Variants in PCDHGA6 observed in about 807,000 individuals in gnomAD.
PCDHGA6 encodes the protein protocadherin gamma-A6.
Under a neutral mutation model 60.6 loss-of-function variants are expected in PCDHGA6, and 41 were observed. The observed-to-expected ratio is 0.68, with a 90% CI of 0.53 to 0.88. PCDHGA6 has a LOEUF of 0.88. Ranked by LOEUF, PCDHGA6 falls within the 40% of genes least tolerant of loss-of-function variation. The pLI, the probability that PCDHGA6 is intolerant of heterozygous loss-of-function variation, is 0.00. For missense variants in PCDHGA6, 1,312 were observed against 1,203.0 expected, an observed-to-expected ratio of 1.09 and a Z score of -1.34; for synonymous variants, 594 against 524.4, an observed-to-expected ratio of 1.13 and a Z score of -1.81.
intron 1 of PCDHGA6, chr5:141,390,391 T>C: frequency 7.1e-7 from 1 of 1,399,002 alleles, no homozygotes; most frequent in Non-Finnish European, 9.8e-7. Flanking sequence ...ATGTCATGGA[T>C]CATTTTAGGA....
chr5:141,489,250 A>C lies in PCDHGA6; in HGVS notation c.2425-5557A>C. 1 of 1,546,554 alleles carries C rather than the reference A, an allele frequency of 6.5e-7. No individual in the cohort carries two copies. The highest frequency in any genetic ancestry group is 8.7e-7 in the Non-Finnish European group (1 of 1,146,722). On this transcript the variant is annotated intron_variant, in intron 1 of 3. Transcript: ENST00000517434. This position sits in a 1 kb window ranked among gnomAD's most constrained non-coding sequence, Gnocchi z 4.5. The stretch of plus-strand genomic sequence containing the variant: ...AAGGGACTTCTGGGTCATGGGGCCC[A>C]AGACACTCCCACAGCTCGCTGGGAA...
intron 1 of PCDHGA6, chr5:141,384,852 G>C: frequency 6.2e-7 from 1 of 1,613,646 alleles, no homozygotes; most frequent in Non-Finnish European, 8.5e-7. Context: ...ACCACGGTCA[G>C]CCTCCTCTGT....
chr5:141,435,444 A>G (rs1471113812), intron 1 of PCDHGA6, among the ~76,000 whole-genome samples: 1 of 152,216 alleles, frequency 6.6e-6, no homozygotes, highest in East Asian at 1.9e-4. Flanking sequence ...TTTCATTAAT[A>G]CGATATCTGT....
rs70988802 is a variant in PCDHGA6 at position 141,450,006 on chromosome 5, C to CTATTTTTTTT, written c.2425-44800_2425-44799insATTTTTTTTT. ...CACATTGCATTTAGTTGCCATGTCTCTTTTTTTTTTTTTTTTTTGAGACAG... is the reference window on the plus strand; with the variant it reads ...CACATTGCATTTAGTTGCCATGTCTCTATTTTTTTTTTTTTTTTTTTTTTTTTTGAGACAG... On this transcript the variant is annotated intron_variant, in intron 1 of 3. Transcript: ENST00000517434. Among the ~76,000 whole-genome samples the CTATTTTTTTT allele has an allele frequency of 3.0e-5, 4 of 132,980 alleles. 1 individual carries two copies. The highest frequency in any genetic ancestry group is 5.6e-5 in the African/African-American group (2 of 35,572). 87.2% of individuals were successfully genotyped at this position (132,980 alleles called of 152,430 possible). A position where few individuals can be genotyped will look rare whatever the true frequency, so the allele number is the denominator to read the frequency against.
intron 1 of PCDHGA6, among the ~76,000 whole-genome samples, chr5:141,433,761 T>G (rs2154555909): frequency 6.7e-6 from 1 of 148,664 alleles, no homozygotes; most frequent in Admixed American, 6.8e-5. Context: ...TGCTTTAACC[T>G]GGGAGGTGGA....
At chr5:141,498,194 T>C (rs1014641829) in intron 2 of PCDHGA6, among the ~76,000 whole-genome samples, 16 of 152,254 alleles carry the variant, frequency 1.1e-4, no homozygotes, top group African/African-American at 3.6e-4. Context: ...ATTAACCAGC[T>C]AAAGAAAAGA....
At chr5:141,506,668 C>A (rs2099855518) in intron 3 of PCDHGA6, among the ~76,000 whole-genome samples, 1 of 152,100 alleles carries the variant, frequency 6.6e-6, no homozygotes, top group Admixed American at 6.6e-5. Context: ...AGTAAGGGCA[C>A]AATATATTAT....
intron 1 of PCDHGA6, among the ~76,000 whole-genome samples, chr5:141,433,449 T>C (rs2097611087): frequency 6.6e-6 from 1 of 152,068 alleles, no homozygotes; most frequent in Non-Finnish European, 1.5e-5. Context: ...TTGAGCAGGC[T>C]GATCTGAAAC....
Position 141,376,274 on chromosome 5 carries a change from G to A in PCDHGA6, c.2191G>A (p.Gly731Ser), listed in dbSNP as rs773118142. The A allele has an allele frequency of 1.9e-6, 3 of 1,614,220 alleles. No homozygotes were observed. Among genetic ancestry groups the A allele is most frequent in the Non-Finnish European group, 1.7e-6 (2 of 1,180,046 alleles). ...KSRLLQASGGGLASMPGSHFV... is the reference protein window; with the variant it reads ...KSRLLQASGGSLASMPGSHFV... ...ACGCCTGCTGCAGGCTTCGGGAGGT[G>A]GCTTAGCGAGCATGCCCGGCTCGCA... Residue 731 changes from glycine to serine, a missense_variant, in exon 1 of 4, where the codon GGC becomes AGC. Transcript: ENST00000517434.
At chr5:141,429,500 A>C (rs1050435175) in intron 1 of PCDHGA6, among the ~76,000 whole-genome samples, 1 of 152,148 alleles carries the variant, frequency 6.6e-6, no homozygotes, top group Non-Finnish European at 1.5e-5. Flanking sequence ...CAGTTGCCTG[A>C]AACTGTGCCT....
At position 141,477,369 on chromosome 5, in the gene PCDHGA6, A is replaced by G; in HGVS notation, c.2425-17438A>G. The G allele has an allele frequency of 6.2e-7, 1 of 1,614,164 alleles. No individual in the cohort carries two copies. Among genetic ancestry groups the G allele is most frequent in the Non-Finnish European group, 8.5e-7 (1 of 1,180,026 alleles). ...AAAACCAGTGCAGACCTGGATCGGG[A>G]GACTGTGCCAGAATACAACCTCAGC... On this transcript the variant is annotated intron_variant, in intron 1 of 3. Transcript: ENST00000517434. The surrounding 1 kb of genome is among the most constrained non-coding windows in gnomAD (Gnocchi z 4.9).
At chr5:141,387,566 T>C in intron 1 of PCDHGA6, 1 of 445,866 alleles carries the variant, frequency 2.2e-6, no homozygotes, top group Non-Finnish European at 4.0e-6. Context: ...GGCACACAAT[T>C]ATAATTATTG....
At chr5:141,413,820 C>T in intron 1 of PCDHGA6, 1 of 1,613,204 alleles carries the variant, frequency 6.2e-7, no homozygotes, top group Non-Finnish European at 8.5e-7. Flanking sequence ...ACCACCTGGT[C>T]CTCACCGCCT....
At chr5:141,394,530 A>C in intron 1 of PCDHGA6, 1 of 1,614,140 alleles carries the variant, frequency 6.2e-7, no homozygotes, top group African/African-American at 1.3e-5. Flanking sequence ...AGACGGTTCC[A>C]CTGGCGTGGA....
chr5:141,421,201 C>A, intron 1 of PCDHGA6: 3 of 1,518,204 alleles, frequency 2.0e-6, no homozygotes, highest in Non-Finnish European at 2.6e-6. Context: ...GCTCGAGAAA[C>A]CGCGGAATAT....
At position 141,512,951 on chromosome 5, in the gene PCDHGA6, AATAAT is replaced by A. The variant is rs1231390259; in HGVS notation, c.*1780_*1784del. 2.1e-5 allele frequency: 3 copies of A among 141,994 alleles called. No homozygotes were observed. Among genetic ancestry groups the A allele is most frequent in the Non-Finnish European group, 4.8e-5 (3 of 62,372 alleles). The allele number at this position is 141,994 out of a possible 1,614,324, so 8.8% of individuals were successfully genotyped here. A position where few individuals can be genotyped will look rare whatever the true frequency, so the allele number is the denominator to read the frequency against. On this transcript the variant is annotated 3_prime_UTR_variant, in exon 4 of 4. Coordinates refer to ENST00000517434, the MANE Select transcript of PCDHGA6 (RefSeq NM_018919.3). ...TATGGCTTTTTTTCTTCGACAAAAAAATAATAAAACGTTTCTTCTGAAAAGCTGAA... is the reference window on the plus strand; with the variant it reads ...TATGGCTTTTTTTCTTCGACAAAAAAAAAACGTTTCTTCTGAAAAGCTGAA...
In PCDHGA6 at chr5:141,486,610, C is replaced by G; in HGVS notation, c.2425-8197C>G. 6.2e-7 allele frequency: 1 copy of G among 1,613,620 alleles called. No homozygotes were observed. The highest frequency in any genetic ancestry group is 8.5e-7 in the Non-Finnish European group (1 of 1,180,038). On this transcript the variant is annotated intron_variant, in intron 1 of 3. Coordinates refer to ENST00000517434, the MANE Select transcript of PCDHGA6 (RefSeq NM_018919.3). This position sits in a 1 kb window ranked among gnomAD's most constrained non-coding sequence, Gnocchi z 5.0. ...GGGACCTGCTTTGCTCCCTTGCAGC[C>G]TCTGACCCAGACTCTGGCTTGAATG...
At position 141,511,260 on chromosome 5, in the gene PCDHGA6, G is replaced by A; in HGVS notation, c.*87G>A. 6.4e-7 allele frequency: 1 copy of A among 1,558,596 alleles called. No individual in the cohort carries two copies. Among genetic ancestry groups the A allele is most frequent in the Non-Finnish European group, 8.7e-7 (1 of 1,151,758 alleles). On this transcript the variant is annotated 3_prime_UTR_variant, in exon 4 of 4. Transcript: ENST00000517434. ...CCTGCACCCAGGCCTCAGAGTTTCA[G>A]GGCTAACCCCCAGAATACTGGTAGG...
Position 141,432,097 on chromosome 5 carries a change from C to A in PCDHGA6, c.2424+55590C>A. The A allele has an allele frequency of 1.9e-6, 3 of 1,614,184 alleles. No individual in the cohort carries two copies. Among genetic ancestry groups the A allele is most frequent in the Non-Finnish European group, 1.7e-6 (2 of 1,180,034 alleles). On this transcript the variant is annotated intron_variant, in intron 1 of 3. Transcript: ENST00000517434. This position sits in a 1 kb window ranked among gnomAD's most constrained non-coding sequence, Gnocchi z 6.0. ...TCTCGCTGAACGTGGCAGACACCAA[C>A]GACAACCCGCCGGTCTTCCCTCAGG...
Sources: allele counts gnomAD v4.1 joint callset (sites outside exome capture counted in the v4.1 genomes callset), GRCh38; gene constraint gnomAD v4.1.1; non-coding constraint Gnocchi (gnomAD v3.1); transcripts MANE v1.5; gene names NCBI Gene and HGNC (gene_info 2026-07-23, HGNC 2026-07-21).